GJA9: variants seen among roughly 807,000 people sequenced by gnomAD.
GJA9 encodes the protein gap junction protein alpha 9, also known as gap junction alpha-9 protein.
A neutral mutation model predicts 0.4 loss-of-function variants in GJA9; 1 was observed. The ratio of observed to expected loss-of-function variants is 2.50; its 90% CI spans 0.89 to 11.88. The LOEUF (loss-of-function observed/expected upper bound fraction) is 11.88, where lower values mean the gene tolerates loss of function less well. Among genes scored for constraint, GJA9 ranks in the 30% most tolerant of loss-of-function variants. The pLI, the probability that GJA9 is intolerant of heterozygous loss-of-function variation, is 0.12. For missense variants in GJA9, 550 were observed against 602.8 expected (o/e 0.91, Z 0.92); for synonymous variants, 190 against 219.1 (o/e 0.87, Z 1.17).
At chr1:38,879,407 C>T (rs1177923916) in intron 1 of GJA9, among the ~76,000 whole-genome samples, 11 of 152,134 alleles carry the variant, frequency 7.2e-5, no homozygotes, top group Non-Finnish European at 1.2e-4. Context: ...AAATCCTATG[C>T]GGTAAGTATG....
In GJA9 at chr1:38,874,885, G is replaced by C. The variant is rs780067493; in HGVS notation, c.1214C>G (p.Pro405Arg). 4 of 1,614,188 alleles carry C rather than the reference G, an allele frequency of 2.5e-6. No homozygotes were observed. In the East Asian group the frequency reaches 6.7e-5, roughly 27 times the overall value. ...AGCTGGCAAGGAGAAAACTGTTTGG[G>C]GTGACTGCCTCATGTTGTTCTCTCC... is the stretch of plus-strand genomic sequence containing the variant. Reference protein sequence around the residue: ...IDGENNMRQSPQTVFSLPANC... With the variant: ...IDGENNMRQSRQTVFSLPANC... Residue 405 changes from proline (P) to arginine (R), a missense_variant, in exon 2 of 2, where the codon CCC becomes CGC. Pro to Arg is a moderately radical substitution (Grantham distance 103). Transcript: ENST00000357771.
intron 1 of GJA9, among the ~76,000 whole-genome samples, chr1:38,880,906 C>G (rs1642687149): frequency 6.6e-6 from 1 of 151,910 alleles, no homozygotes; most frequent in African/African-American, 2.4e-5. Context: ...AATAATAATA[C>G]AAGAAAAACT....
chr1:38,875,838 T>G lies in GJA9; in HGVS notation c.261A>C (p.Ser87=), dbSNP rs1642576784. 6.2e-7 allele frequency: 1 copy of G among 1,614,188 alleles called. No homozygotes were observed. Among genetic ancestry groups the G allele is most frequent in the Non-Finnish European group, 8.5e-7 (1 of 1,180,036 alleles). The change falls in exon 2 of 2, where the codon TCA becomes TCC. Residue 87 remains serine (S), a synonymous_variant. Transcript: ENST00000357771. ...CATGGCCCATGTAGACCAGGGATGG[T>G]GAAGACACAAATATCACCTGCAGAA... ...YWVLQVIFVS[S]PSLVYMGHAL...
rs1481367304 is a variant in GJA9, at chr1:38,875,292, G to C, written c.807C>G (p.Ser269Arg). 2 of 1,613,832 alleles carry C rather than the reference G, an allele frequency of 1.2e-6. No homozygotes were observed. The highest frequency in any genetic ancestry group is 1.7e-6 in the Non-Finnish European group (2 of 1,179,806). Residue 269 changes from serine to arginine, a missense_variant, in exon 2 of 2, where the codon AGC becomes AGG. Coordinates refer to ENST00000357771, the MANE Select transcript of GJA9 (RefSeq NM_030772.5). ...KAKQNVAKYQ[S>R]TSANSLKRLP... ...GTCGCTTCAGTGAATTTGCAGATGT[G>C]CTCTGGTATTTGGCTACATTTTGTT...
chr1:38,874,842 C>T lies in GJA9; in HGVS notation c.1257G>A (p.Pro419=), dbSNP rs1187269184. The part of the protein sequence containing the change: ...FSLPANCDWK[P]RWLRATWGSS... ...AACCCCATGTAGCTCTAAGCCACCG[C>T]GGTTTCCAATCGCAGTTAGCTGGCA... The change falls in exon 2 of 2, where the codon CCG becomes CCA. Residue 419 remains proline, a synonymous_variant. Transcript: ENST00000357771. 2.5e-6 allele frequency: 4 copies of T among 1,614,078 alleles called. No homozygotes were observed. The highest frequency in any genetic ancestry group is 3.3e-5 in the Admixed American group (2 of 59,998).
chr1:38,881,285 G>T, intron 1 of GJA9, 147 bp downstream of exon 1: 1 of 500,034 alleles, frequency 2.0e-6, no homozygotes, highest in Non-Finnish European at 3.5e-6. Flanking sequence ...AGGAGCAGTA[G>T]TATTTAGCTA....
intron 1 of GJA9, among the ~76,000 whole-genome samples, chr1:38,877,143 G>A (rs1255597337): frequency 8.0e-5 from 12 of 150,894 alleles, no homozygotes; most frequent in Admixed American, 1.3e-4. Flanking sequence ...GGGTTCAAGC[G>A]ATTCTCCTGC....
rs766963072 is a variant in GJA9, at chr1:38,875,518, C to G, written c.581G>C (p.Cys194Ser). ...EPLFKCHGHPCPNIIDCFVSR... is the reference protein window; with the variant it reads ...EPLFKCHGHPSPNIIDCFVSR... ...GACAAAACAGTCGATTATATTTGGA[C>G]ACGGGTGGCCATGGCACTTAAATAG... is the stretch of plus-strand genomic sequence containing the variant. The change falls in exon 2 of 2, where the codon TGT becomes TCT. Residue 194 changes from cysteine to serine, a missense_variant. Cys to Ser is a moderately radical substitution (Grantham distance 112). Transcript: ENST00000357771. 4 of 1,614,148 alleles carry G rather than the reference C, an allele frequency of 2.5e-6. No individual in the cohort carries two copies. Among genetic ancestry groups the G allele is most frequent in the Admixed American group, 1.7e-5 (1 of 60,016 alleles).
chr1:38,880,402 CA>C (rs1267872139), intron 1 of GJA9, among the ~76,000 whole-genome samples: 10 of 79,848 alleles, frequency 1.3e-4, no homozygotes, highest in Admixed American at 4.6e-4. Flanking sequence ...GACTCTGTCT[CA>C]AAAAAAAATA....
At chr1:38,877,290 C>T (rs908186858) in intron 1 of GJA9, among the ~76,000 whole-genome samples, 9 of 151,924 alleles carry the variant, frequency 5.9e-5, no homozygotes, top group East Asian at 1.9e-4. Flanking sequence ...CTGCCCACCT[C>T]GGCCTCCCAA....
chr1:38,874,073 C>A lies in GJA9; in HGVS notation c.*478G>T, dbSNP rs1224971330. 1 of 360,604 alleles carries A rather than the reference C, an allele frequency of 2.8e-6. No individual in the cohort carries two copies. Among genetic ancestry groups the A allele is most frequent in the Non-Finnish European group, 5.4e-6 (1 of 184,664 alleles). The allele number at this position is 360,604 out of a possible 1,614,324, so 22.3% of individuals were successfully genotyped here. A position where few individuals can be genotyped will look rare whatever the true frequency, so the allele number is the denominator to read the frequency against. Reference sequence around the variant, plus strand: ...CTGGTGAAGGAAAGCCACGGATCTTCTTAAGATTTTATTTACTAGGTAGCA... The same window carrying A: ...CTGGTGAAGGAAAGCCACGGATCTTATTAAGATTTTATTTACTAGGTAGCA... On this transcript the variant is annotated 3_prime_UTR_variant, in exon 2 of 2. Transcript: ENST00000357771.
Position 38,874,273 on chromosome 1 carries a change from C to T in GJA9, c.*278G>A, listed in dbSNP as rs1299033435. 2.6e-6 allele frequency: 1 copy of T among 381,782 alleles called. No individual in the cohort carries two copies. The highest frequency in any genetic ancestry group is 2.1e-5 in the African/African-American group (1 of 48,472). 23.6% of individuals were successfully genotyped at this position (381,782 alleles called of 1,614,324 possible). Reference sequence around the variant, plus strand: ...AGAAAACCTGATCAAACCATTTAGCCTCAATTCTGAACATGTGATTTTCCC... The same window carrying T: ...AGAAAACCTGATCAAACCATTTAGCTTCAATTCTGAACATGTGATTTTCCC... On this transcript the variant is annotated 3_prime_UTR_variant, in exon 2 of 2. Transcript: ENST00000357771.
rs550842235 is a variant in GJA9, at chr1:38,874,443, G to C, written c.*108C>G. On this transcript the variant is annotated 3_prime_UTR_variant, in exon 2 of 2. Coordinates refer to ENST00000357771, the MANE Select transcript of GJA9 (RefSeq NM_030772.5). ...TGCTTAAATGAGTTTGCAGTTGTCT[G>C]TCTTAACAGCTGGTCTTTAGAGCTG... 5.1e-6 allele frequency: 4 copies of C among 791,906 alleles called. No individual in the cohort carries two copies. The highest frequency in any genetic ancestry group is 8.2e-6 in the Non-Finnish European group (4 of 489,934). The allele number at this position is 791,906 out of a possible 1,614,324, so 49.1% of individuals were successfully genotyped here.
chr1:38,877,459 A>G (rs1219281027), intron 1 of GJA9, among the ~76,000 whole-genome samples: 1 of 152,006 alleles, frequency 6.6e-6, no homozygotes, highest in Non-Finnish European at 1.5e-5. Context: ...TTTTTCCCCA[A>G]CATGCCATTA....
chr1:38,875,600 C>G lies in GJA9; in HGVS notation c.499G>C (p.Val167Leu). The G allele has an allele frequency of 6.2e-7, 1 of 1,614,182 alleles. No homozygotes were observed. Among genetic ancestry groups the G allele is most frequent in the South Asian group, 1.1e-5 (1 of 91,086 alleles). ...YVIHIFTRSVVEVGFMIGQYL... is the reference protein window; with the variant it reads ...YVIHIFTRSVLEVGFMIGQYL... ...TGTCCAATCATGAATCCAACTTCAA[C>G]CACAGAGCGAGTGAAAATGTGTATC... is the stretch of plus-strand genomic sequence containing the variant. The change falls in exon 2 of 2, where the codon GTT (valine) becomes CTT (leucine). Residue 167 changes from valine (V) to leucine (L), a missense_variant. Val to Leu is a conservative substitution (Grantham distance 32, BLOSUM62 1). Coordinates refer to ENST00000357771, the MANE Select transcript of GJA9 (RefSeq NM_030772.5).
Position 38,881,462 on chromosome 1 carries a change from A to G in GJA9, c.-126T>C, listed in dbSNP as rs1325476694. 1.4e-6 allele frequency: 1 copy of G among 701,892 alleles called. No homozygotes were observed. Among genetic ancestry groups the G allele is most frequent in the Non-Finnish European group, 2.6e-6 (1 of 384,648 alleles). 43.5% of individuals were successfully genotyped at this position (701,892 alleles called of 1,614,324 possible). A position where few individuals can be genotyped will look rare whatever the true frequency, so the allele number is the denominator to read the frequency against. On this transcript the variant is annotated 5_prime_UTR_variant, in exon 1 of 2. Transcript: ENST00000357771. Reference sequence around the variant, plus strand: ...TTAGTTTAGGTAAATCTGAGAAGCAAACCATGTTTAGAAGTTACAGCATGG... The same window carrying G: ...TTAGTTTAGGTAAATCTGAGAAGCAGACCATGTTTAGAAGTTACAGCATGG...
At position 38,880,412 on chromosome 1, in the gene GJA9, T is replaced by TA. The variant is rs1282127250; in HGVS notation, c.-96+1019dup. ...AGCAAGACTCTGTCTCAAAAAAAAA[T>TA]AAATAATAATAATAATAATAATAAT... On this transcript the variant is annotated intron_variant, in intron 1 of 1. Coordinates refer to ENST00000357771, the MANE Select transcript of GJA9 (RefSeq NM_030772.5). Among the ~76,000 whole-genome samples, 580 of 74,912 alleles carry TA rather than the reference T, an allele frequency of 7.7e-3. 50 individuals are homozygous for TA. The highest frequency in any genetic ancestry group is 9.9e-3 in the Non-Finnish European group (373 of 37,800). 49.1% of individuals were successfully genotyped at this position (74,912 alleles called of 152,430 possible).
At chr1:38,877,833 T>C (rs1028191940) in intron 1 of GJA9, among the ~76,000 whole-genome samples, 9 of 152,106 alleles carry the variant, frequency 5.9e-5, no homozygotes, top group Non-Finnish European at 1.3e-4. Flanking sequence ...TTTATACACA[T>C]AGGAAAACGA....
chr1:38,879,108 C>T (rs1402555171), intron 1 of GJA9, among the ~76,000 whole-genome samples: 5 of 152,108 alleles, frequency 3.3e-5, no homozygotes, highest in Non-Finnish European at 1.5e-5. Flanking sequence ...ATTATGGAAA[C>T]TTTCACTGTA....
Sources: allele counts gnomAD v4.1 joint callset (sites outside exome capture counted in the v4.1 genomes callset), GRCh38; gene constraint gnomAD v4.1.1; transcripts MANE v1.5; gene names NCBI Gene and HGNC (gene_info 2026-07-23, HGNC 2026-07-21).